Variants in ZRANB3 observed in about 807,000 individuals in gnomAD.
The protein encoded by ZRANB3 is DNA annealing helicase and endonuclease ZRANB3.
Under a neutral mutation model 133.8 loss-of-function variants are expected in ZRANB3, and 125 were observed. That is an observed-to-expected ratio of 0.93 (90% confidence interval 0.81 to 1.08). The LOEUF is 1.08. Among genes scored for constraint, ZRANB3 ranks in the 50% least tolerant of loss-of-function variants. The pLI, the probability that ZRANB3 is intolerant of heterozygous loss-of-function variation, is 0.00. For synonymous variants in ZRANB3, 387 were observed against 432.7 expected, an observed-to-expected ratio of 0.89 and a Z score of 1.31; for missense variants, 1,229 against 1,275.5, an observed-to-expected ratio of 0.96 and a Z score of 0.56.
intron 3 of ZRANB3, among the ~76,000 whole-genome samples, chr2:135,381,936 C>T (rs138491051): frequency 0.01 from 1,588 of 152,322 alleles, 25 homozygotes; most frequent in African/African-American, 0.036. Flanking sequence ...ATCAGAGCGC[C>T]TCTCCTCCTC....
chr2:135,430,127 G>A (rs1204261472), intron 2 of ZRANB3, among the ~76,000 whole-genome samples: 1 of 151,874 alleles, frequency 6.6e-6, no homozygotes. Flanking sequence ...ACTGAGCCAC[G>A]ATCACACCAC....
chr2:135,400,674 T>G (rs1687696335), intron 2 of ZRANB3, among the ~76,000 whole-genome samples: 1 of 152,244 alleles, frequency 6.6e-6, no homozygotes, highest in East Asian at 1.9e-4. Flanking sequence ...CACCAATATA[T>G]TCTAAGGCAG....
intron 2 of ZRANB3, among the ~76,000 whole-genome samples, chr2:135,484,712 T>C (rs1343478944): frequency 1.3e-5 from 2 of 150,102 alleles, no homozygotes; most frequent in African/African-American, 2.4e-5. Context: ...TTAATAAATA[T>C]TAATAAAATA....
chr2:135,404,649 T>G lies in ZRANB3; in HGVS notation c.162-13829A>C, dbSNP rs185120512. Among the ~76,000 whole-genome samples the G allele has an allele frequency of 2.6e-5, 4 of 152,144 alleles. No homozygotes were observed. The East Asian group carries it at 7.7e-4, about 29-fold the overall frequency. On this transcript the variant is annotated intron_variant, in intron 2 of 20. Coordinates refer to ENST00000264159, the MANE Select transcript of ZRANB3 (RefSeq NM_032143.4). ...AGAGCAACTCCAAGACACACAATTC[T>G]CAGATTCACCAAAGTTGAAATGAAG... is the stretch of plus-strand genomic sequence containing the variant.
At chr2:135,206,855 G>A (rs1249744296) in intron 19 of ZRANB3, among the ~76,000 whole-genome samples, 1 of 152,044 alleles carries the variant, frequency 6.6e-6, no homozygotes, top group Non-Finnish European at 1.5e-5. Flanking sequence ...GAAACGTTTG[G>A]AATTTTCTTT....
At chr2:135,421,335 A>G (rs1364907614) in intron 2 of ZRANB3, among the ~76,000 whole-genome samples, 7 of 152,206 alleles carry the variant, frequency 4.6e-5, no homozygotes, top group Admixed American at 3.9e-4. Flanking sequence ...TAAAAACCCT[A>G]TAACTCAGAT....
intron 12 of ZRANB3, among the ~76,000 whole-genome samples, chr2:135,233,992 G>C (rs1305725135): frequency 6.6e-6 from 1 of 152,176 alleles, no homozygotes; most frequent in South Asian, 2.1e-4. Flanking sequence ...AAAAGACACA[G>C]ACTGGCAAAT....
intron 2 of ZRANB3, among the ~76,000 whole-genome samples, chr2:135,402,419 C>T (rs1229963967): frequency 6.6e-6 from 1 of 151,478 alleles, no homozygotes; most frequent in Non-Finnish European, 1.5e-5. Context: ...CTCAGTCTCC[C>T]GAGTAGCTGG....
In ZRANB3 at chr2:135,392,729, C is replaced by G. The variant is rs77008929; in HGVS notation, c.162-1909G>C. Among the ~76,000 whole-genome samples, 11 of 152,148 alleles carry G rather than the reference C, an allele frequency of 7.2e-5. No individual in the cohort carries two copies. The East Asian group carries it at 2.1e-3, about 29-fold the overall frequency. On this transcript the variant is annotated intron_variant, in intron 2 of 20. Coordinates refer to ENST00000264159, the MANE Select transcript of ZRANB3 (RefSeq NM_032143.4). ...TGCCACTGCACTCCAGCTTGGGCAACAGAGTGAGACTCCGTCTCAAAAACC... is the reference window on the plus strand; with the variant it reads ...TGCCACTGCACTCCAGCTTGGGCAAGAGAGTGAGACTCCGTCTCAAAAACC...
chr2:135,307,171 A>G (rs115791861), intron 8 of ZRANB3, among the ~76,000 whole-genome samples: 1,569 of 152,234 alleles, frequency 0.01, 25 homozygotes, highest in African/African-American at 0.036. Context: ...GGCTCAAGTG[A>G]TTATCCCACC....
intron 3 of ZRANB3, among the ~76,000 whole-genome samples, chr2:135,362,266 A>C (rs1178322514): frequency 2.0e-5 from 3 of 151,940 alleles, no homozygotes; most frequent in Admixed American, 6.6e-5. Flanking sequence ...CTCATAAGGG[A>C]CTAGGAAAAG....
chr2:135,529,778 G>A (rs1290918411), intron 1 of ZRANB3, among the ~76,000 whole-genome samples: 1 of 151,092 alleles, frequency 6.6e-6, no homozygotes, highest in East Asian at 2.0e-4. Context: ...GCCTCCCAAA[G>A]TGCTAGGATT....
At chr2:135,442,564 G>A (rs1265150065) in intron 2 of ZRANB3, among the ~76,000 whole-genome samples, 1 of 152,206 alleles carries the variant, frequency 6.6e-6, no homozygotes, top group Non-Finnish European at 1.5e-5. Flanking sequence ...TGGAGAGGAT[G>A]TGGAGAAACA....
At chr2:135,284,132 C>T (rs1681231746) in intron 8 of ZRANB3, among the ~76,000 whole-genome samples, 1 of 152,198 alleles carries the variant, frequency 6.6e-6, no homozygotes, top group Non-Finnish European at 1.5e-5. Flanking sequence ...AGCTCCATCA[C>T]TTACAATGTG....
At chr2:135,418,285 A>G (rs1240142288) in intron 2 of ZRANB3, among the ~76,000 whole-genome samples, 1 of 152,208 alleles carries the variant, frequency 6.6e-6, no homozygotes, top group East Asian at 1.9e-4. Flanking sequence ...GCCATTTTAC[A>G]TGAAGGACAT....
intron 8 of ZRANB3, among the ~76,000 whole-genome samples, chr2:135,306,333 G>A (rs1404155172): frequency 6.7e-6 from 1 of 148,564 alleles, no homozygotes; most frequent in Non-Finnish European, 1.5e-5. Flanking sequence ...TGTCACCCAG[G>A]CTGGAGTGCA....
chr2:135,220,672 T>C (rs376204580), intron 15 of ZRANB3, among the ~76,000 whole-genome samples: 154 of 123,524 alleles, frequency 1.2e-3, no homozygotes, highest in Admixed American at 2.4e-3. Flanking sequence ...CACTCCAGCC[T>C]GGGTGGCAGA....
chr2:135,413,540 TCTC>T (rs1489664120), intron 2 of ZRANB3, among the ~76,000 whole-genome samples: 2 of 152,172 alleles, frequency 1.3e-5, no homozygotes, highest in East Asian at 3.9e-4. Context: ...AAGTACTATC[TCTC>T]CTCATTTGAT....
At chr2:135,481,548 T>C (rs1255876721) in intron 2 of ZRANB3, among the ~76,000 whole-genome samples, 2 of 152,178 alleles carry the variant, frequency 1.3e-5, no homozygotes, top group Admixed American at 6.5e-5. Context: ...GCGAAAATTT[T>C]CTCCCATTTT....
Sources: allele counts gnomAD v4.1 joint callset (sites outside exome capture counted in the v4.1 genomes callset), GRCh38; gene constraint gnomAD v4.1.1; transcripts MANE v1.5; gene names NCBI Gene and HGNC (gene_info 2026-07-23, HGNC 2026-07-21).